Variants in TANC2 observed in about 807,000 individuals in gnomAD.
TANC2 encodes tetratricopeptide repeat, ankyrin repeat and coiled-coil containing 2.
TANC2 carries 26 observed loss-of-function variants against 210.5 expected under a neutral mutation model. The ratio of observed to expected loss-of-function variants is 0.12; its 90% confidence interval spans 0.09 to 0.17. TANC2 has a LOEUF of 0.17. Ranked by LOEUF, TANC2 falls within the 10% of genes least tolerant of loss-of-function variation. The pLI is 1.00. For missense variants in TANC2, 2,129 were observed against 2,608.9 expected, an observed-to-expected ratio of 0.82 and a Z score of 4.01; for synonymous variants, 931 against 967.1, an observed-to-expected ratio of 0.96 and a Z score of 0.69.
intron 2 of TANC2, among the ~76,000 whole-genome samples, chr17:63,053,419 C>T (rs2035653981): frequency 6.6e-6 from 1 of 152,140 alleles, no homozygotes; most frequent in Non-Finnish European, 1.5e-5. Flanking sequence ...TGATCTTTTC[C>T]ACTCCATAAA....
intron 9 of TANC2, among the ~76,000 whole-genome samples, chr17:63,292,706 T>A (rs1037610985): frequency 1.3e-5 from 2 of 152,202 alleles, no homozygotes; most frequent in African/African-American, 4.8e-5. Flanking sequence ...GATGGGGTGA[T>A]TATGATTACA....
intron 2 of TANC2, among the ~76,000 whole-genome samples, chr17:63,023,777 G>A (rs797020955): frequency 1.3e-5 from 2 of 152,154 alleles, no homozygotes; most frequent in African/African-American, 4.8e-5. Flanking sequence ...AGAAAATAAG[G>A]ATTCTGATTT....
At chr17:63,193,927 T>C in intron 5 of TANC2, 64 bp from the exon 6 acceptor site, 1 of 1,468,842 alleles carries the variant, frequency 6.8e-7, no homozygotes, top group Non-Finnish European at 9.1e-7. Flanking sequence ...AATGTACAAA[T>C]AGTTGCAGAA....
intron 8 of TANC2, among the ~76,000 whole-genome samples, chr17:63,254,051 T>G (rs2043123147): frequency 6.6e-6 from 1 of 152,182 alleles, no homozygotes; most frequent in Admixed American, 6.5e-5. Flanking sequence ...TTGATAGGAT[T>G]GCTTTGAATC....
At chr17:63,204,848 G>T (rs561513312) in intron 7 of TANC2, among the ~76,000 whole-genome samples, 14 of 152,304 alleles carry the variant, frequency 9.2e-5, no homozygotes, top group African/African-American at 3.1e-4. Flanking sequence ...ACTTTGAGAA[G>T]CCAAGGCAGA....
intron 2 of TANC2, among the ~76,000 whole-genome samples, chr17:63,045,136 T>C (rs940182972): frequency 6.6e-6 from 1 of 152,226 alleles, no homozygotes. Flanking sequence ...CTTGAATAGT[T>C]TTAGTGAGAT....
chr17:63,089,646 T>C (rs765984853), intron 3 of TANC2, among the ~76,000 whole-genome samples: 2 of 152,182 alleles, frequency 1.3e-5, no homozygotes, highest in Non-Finnish European at 2.9e-5. Context: ...AGTATGTGAA[T>C]GTGTGAGATA....
chr17:63,137,023 C>T (rs185939696), intron 4 of TANC2, among the ~76,000 whole-genome samples: 96 of 152,172 alleles, frequency 6.3e-4, no homozygotes, highest in Middle Eastern at 6.8e-3. Context: ...TGAGACTCCA[C>T]GAGGCTAAAG....
intron 18 of TANC2, among the ~76,000 whole-genome samples, chr17:63,398,418 T>C (rs2147228737): frequency 6.7e-6 from 1 of 150,350 alleles, no homozygotes; most frequent in South Asian, 2.1e-4. Context: ...AACACATTAC[T>C]GCACTCCAGT....
In TANC2 at chr17:63,281,017, A is replaced by C. The variant is rs575304062; in HGVS notation, c.1159+13144A>C. 6.6e-5 allele frequency among the ~76,000 whole-genome samples: 10 copies of C among 152,270 alleles called. No individual in the cohort carries two copies. In the South Asian group the frequency reaches 2.1e-3, roughly 32 times the overall value. ...CTGAATTCCAGCTTTTGTTAGTGGA[A>C]GAATTGCCTTTTTGGACTAAGCCTT... On this transcript the variant is annotated intron_variant, in intron 9 of 27. Coordinates refer to ENST00000689528, the Ensembl canonical transcript of TANC2.
At chr17:63,238,676 C>T (rs563063144) in intron 8 of TANC2, among the ~76,000 whole-genome samples, 14 of 152,232 alleles carry the variant, frequency 9.2e-5, no homozygotes, top group African/African-American at 2.9e-4. Context: ...TGTATTAGTC[C>T]GTTTTCACAC....
intron 9 of TANC2, chr17:63,305,554 T>C (rs958183576): frequency 1.3e-5 from 2 of 152,238 alleles, no homozygotes; most frequent in African/African-American, 4.8e-5. Context: ...CTTCTGTCTT[T>C]CACATGTAGT....
At chr17:63,064,581 T>C (rs2036126975) in intron 2 of TANC2, among the ~76,000 whole-genome samples, 1 of 152,216 alleles carries the variant, frequency 6.6e-6, no homozygotes, top group Non-Finnish European at 1.5e-5. Flanking sequence ...CATAAATGCC[T>C]GTCCTATTCA....
At chr17:63,286,001 A>G (rs559527887) in intron 9 of TANC2, among the ~76,000 whole-genome samples, 4 of 152,100 alleles carry the variant, frequency 2.6e-5, no homozygotes, top group Admixed American at 2.6e-4. Context: ...GCAGCCTCAG[A>G]CCTGTTATAT....
intron 8 of TANC2, among the ~76,000 whole-genome samples, chr17:63,264,627 A>ATTTT (rs1211858161): frequency 1.3e-5 from 2 of 152,190 alleles, no homozygotes; most frequent in Non-Finnish European, 2.9e-5. Context: ...TAAAGTTAAA[A>ATTTT]GATTTCTCAA....
chr17:63,292,900 A>G (rs74693243), intron 9 of TANC2, among the ~76,000 whole-genome samples: 3,160 of 152,304 alleles, frequency 0.021, 41 homozygotes, highest in South Asian at 0.038. Flanking sequence ...AAGCTTGCAC[A>G]GAGATACGAT....
At chr17:63,328,376 ATGTGTGTGTGTGTGTG>A (rs61546119) in intron 11 of TANC2, among the ~76,000 whole-genome samples, 2 of 147,030 alleles carry the variant, frequency 1.4e-5, no homozygotes, top group African/African-American at 5.0e-5. Context: ...GTATGTGTAT[ATGTGTGTGTGTGTGTG>A]TGTGTGTGTG....
intron 3 of TANC2, among the ~76,000 whole-genome samples, chr17:63,087,302 T>A (rs1480734474): frequency 6.6e-6 from 1 of 152,220 alleles, no homozygotes; most frequent in East Asian, 1.9e-4. Context: ...AAACCTTTAG[T>A]AATGTAGTGT....
At chr17:63,233,881 A>G (rs2042548311) in intron 7 of TANC2, among the ~76,000 whole-genome samples, 1 of 152,260 alleles carries the variant, frequency 6.6e-6, no homozygotes, top group South Asian at 2.1e-4. Context: ...CGACAAGAGT[A>G]TTCTCTAGCC....
Sources: gnomAD v4.1 joint callset for allele counts (sites outside exome capture counted in the v4.1 genomes callset) on GRCh38, gnomAD v4.1.1 for gene constraint, MANE v1.5 for transcripts, NCBI Gene and HGNC (gene_info 2026-07-23, HGNC 2026-07-21) for gene names.